Variants in MIER3 observed in about 807,000 individuals in gnomAD.
MIER3 encodes MIER family member 3.
MIER3 carries 9 observed loss-of-function variants against 63.2 expected under a neutral mutation model. That is an observed-to-expected ratio of 0.14 (90% CI 0.09 to 0.25). MIER3 has a LOEUF of 0.25. Ranked by LOEUF, MIER3 falls within the 10% of genes least tolerant of loss-of-function variation. MIER3 has a pLI of 1.00. For missense variants in MIER3, 512 were observed against 666.2 expected (o/e 0.77, Z 2.55); for synonymous variants, 205 against 224.9 (o/e 0.91, Z 0.79).
chr5:56,923,373 T>C lies in MIER3; in HGVS notation c.1408A>G (p.Met470Val), dbSNP rs1223101290. 2 of 1,614,184 alleles carry C rather than the reference T, an allele frequency of 1.2e-6. No individual in the cohort carries two copies. The highest frequency in any genetic ancestry group is 2.2e-5 in the South Asian group (2 of 91,086). The change falls in exon 13 of 13, where the codon ATG (methionine) becomes GTG (valine). Residue 470 changes from methionine (M) to valine (V), a missense_variant. Around this residue, in one of 5 missense-constraint regions of MIER3, gnomAD observed 218 missense variants for 251.2 expected, o/e 0.87. Transcript: ENST00000381199. The part of the protein sequence containing the change: ...FYHSELNPMN[M>V]CSEESERPAK... The stretch of plus-strand genomic sequence containing the variant: ...GGTCTCTCTGACTCTTCACTGCACA[T>C]GTTCATAGGGTTTAGCTCCGAGTGA...
chr5:56,927,150 T>C (rs1215109348), intron 10 of MIER3, among the ~76,000 whole-genome samples: 1 of 152,128 alleles, frequency 6.6e-6, no homozygotes. Context: ...AGCTACTCTG[T>C]ATGATACTGT....
At chr5:56,938,373 A>G (rs1375479793) in intron 4 of MIER3, 1 of 470,946 alleles carries the variant, frequency 2.1e-6, no homozygotes, top group Non-Finnish European at 4.4e-6. Context: ...GGGATCTGTT[A>G]GCAGAGGCCA....
chr5:56,937,922 A>G (rs995812054), intron 4 of MIER3, among the ~76,000 whole-genome samples: 2 of 151,606 alleles, frequency 1.3e-5, no homozygotes, highest in African/African-American at 2.4e-5. Flanking sequence ...ATATACTAAA[A>G]CAATTGCCTA....
chr5:56,919,608 T>A lies in MIER3; in HGVS notation c.*3520A>T, dbSNP rs574662521. The A allele has an allele frequency of 2.0e-5, 3 of 152,752 alleles. No individual in the cohort carries two copies. The South Asian group carries it at 6.2e-4, about 32-fold the overall frequency. The allele number at this position is 152,752 out of a possible 1,614,324, so 9.5% of individuals were successfully genotyped here. A position where few individuals can be genotyped will look rare whatever the true frequency, so the allele number is the denominator to read the frequency against. ...ATTCACACAAACCAAGAAAAAAAGATTCCCAGATTTTTATTTCTGGAACTG... is the reference window on the plus strand; with the variant it reads ...ATTCACACAAACCAAGAAAAAAAGAATCCCAGATTTTTATTTCTGGAACTG... On this transcript the variant is annotated 3_prime_UTR_variant, in exon 13 of 13. Coordinates refer to ENST00000381199, the MANE Select transcript of MIER3 (RefSeq NM_001297599.2).
At chr5:56,952,052 C>T in intron 1 of MIER3, 42 bp downstream of exon 1, 3 of 1,267,536 alleles carry the variant, frequency 2.4e-6, no homozygotes, top group Non-Finnish European at 2.0e-6. Flanking sequence ...CCGCCGGGCG[C>T]CCGCTCCAGC....
At chr5:56,931,726 T>G (rs1750274319) in intron 8 of MIER3, among the ~76,000 whole-genome samples, 1 of 152,066 alleles carries the variant, frequency 6.6e-6, no homozygotes, top group Admixed American at 6.6e-5. Flanking sequence ...TTACCAAATA[T>G]CTCAGAGTTA....
At position 56,923,671 on chromosome 5, in the gene MIER3, CAGAA is replaced by C; in HGVS notation, c.1195+16_1195+19del. ...ATTTTGCAACAAACTGTACTAAATG[CAGAA>C]AGGTCTTCATTTTACCTGTCAAGTC... On this transcript the variant is annotated intron_variant, in intron 12 of 12. Coordinates refer to ENST00000381199, the MANE Select transcript of MIER3 (RefSeq NM_001297599.2). 1 of 1,614,086 alleles carries C rather than the reference CAGAA, an allele frequency of 6.2e-7. No individual in the cohort carries two copies. The highest frequency in any genetic ancestry group is 8.5e-7 in the Non-Finnish European group (1 of 1,179,972).
chr5:56,926,186 G>A (rs990990044), intron 10 of MIER3, among the ~76,000 whole-genome samples: 4 of 152,002 alleles, frequency 2.6e-5, no homozygotes, highest in South Asian at 2.1e-4. Flanking sequence ...CTTAGGTTTG[G>A]CAATGATTTT....
intron 10 of MIER3, 45 bp downstream of exon 10, chr5:56,928,722 T>C: frequency 7.3e-7 from 1 of 1,373,320 alleles, no homozygotes; most frequent in South Asian, 1.3e-5. Context: ...GTTGCTTACA[T>C]TCACTGTAAC....
At chr5:56,946,815 T>TG in intron 3 of MIER3, 111 bp downstream of exon 3, 1 of 846,570 alleles carries the variant, frequency 1.2e-6, no homozygotes, top group Admixed American at 3.8e-5. Flanking sequence ...AAAATAAGAG[T>TG]GAAAAAAAAA....
At chr5:56,936,173 C>T (rs527287292) in intron 5 of MIER3, among the ~76,000 whole-genome samples, 4 of 151,936 alleles carry the variant, frequency 2.6e-5, no homozygotes, top group South Asian at 4.2e-4. Context: ...GCCAAGATCA[C>T]GCCATTGCAC....
chr5:56,934,953 A>G (rs1750389558), intron 7 of MIER3, among the ~76,000 whole-genome samples: 1 of 152,208 alleles, frequency 6.6e-6, no homozygotes, highest in African/African-American at 2.4e-5. Context: ...GATTACACAT[A>G]ATTAGGAGTA....
chr5:56,927,577 GT>G (rs555578765), intron 10 of MIER3, among the ~76,000 whole-genome samples: 24 of 152,058 alleles, frequency 1.6e-4, no homozygotes, highest in African/African-American at 5.8e-4. Flanking sequence ...ATAGACTTTA[GT>G]TTTTAAGAGT....
At chr5:56,936,869 G>A (rs1285004422) in intron 5 of MIER3, 4 of 151,954 alleles carry the variant, frequency 2.6e-5, no homozygotes, top group Non-Finnish European at 4.4e-5. Context: ...ATAGGAAAAA[G>A]ATGAATCATT....
At chr5:56,938,516 C>T (rs975074201) in intron 4 of MIER3, among the ~76,000 whole-genome samples, 2 of 152,216 alleles carry the variant, frequency 1.3e-5, no homozygotes, top group South Asian at 4.1e-4. Flanking sequence ...TTCTCTCCAA[C>T]CACTCCACGC....
chr5:56,923,826 T>C lies in MIER3; in HGVS notation c.1060A>G (p.Met354Val), dbSNP rs1749812224. The C allele has an allele frequency of 1.9e-6, 3 of 1,614,080 alleles. No homozygotes were observed. Among genetic ancestry groups the C allele is most frequent in the Non-Finnish European group, 2.5e-6 (3 of 1,180,006 alleles). ...YNHHPGVTDY[M>V]DRLVDETEAL... ...TCTGTTTCATCTACTAAACGATCCA[T>C]ATAGTCCCTGAAAAACACACCCCAG... The change falls in exon 12 of 13, where the codon ATG becomes GTG. Residue 354 changes from methionine (M) to valine (V), a missense_variant. By Grantham distance (21) the Met-to-Val change is conservative. Transcript: ENST00000381199.
chr5:56,950,127 G>C (rs998228146), intron 2 of MIER3, among the ~76,000 whole-genome samples: 3 of 152,130 alleles, frequency 2.0e-5, no homozygotes, highest in African/African-American at 7.2e-5. Context: ...TGGAAGTTCT[G>C]TCTTTTTTAT....
In MIER3 at chr5:56,922,798, G is replaced by C. The variant is rs983732715; in HGVS notation, c.*330C>G. Reference sequence around the variant, plus strand: ...GCCTCTGTCTACAGGTTTTAAAATTGGGAGTGAGGGCAGTGGGGAACACAA... The same window carrying C: ...GCCTCTGTCTACAGGTTTTAAAATTCGGAGTGAGGGCAGTGGGGAACACAA... On this transcript the variant is annotated 3_prime_UTR_variant, in exon 13 of 13. Transcript: ENST00000381199. 8 of 270,982 alleles carry C rather than the reference G, an allele frequency of 3.0e-5. No homozygotes were observed. Among genetic ancestry groups the C allele is most frequent in the Admixed American group, 9.6e-5 (2 of 20,896 alleles). 16.8% of individuals were successfully genotyped at this position (270,982 alleles called of 1,614,324 possible). A position where few individuals can be genotyped will look rare whatever the true frequency, so the allele number is the denominator to read the frequency against.
intron 2 of MIER3, 155 bp from the exon 3 acceptor site, chr5:56,947,226 C>A: frequency 1.4e-6 from 1 of 702,634 alleles, no homozygotes. Context: ...AAATTAAGAC[C>A]CCATGATTCT....
Sources: gnomAD v4.1 joint callset for allele counts (sites outside exome capture counted in the v4.1 genomes callset) on GRCh38, gnomAD v4.1.1 for gene constraint, gnomAD v4.1.1 regional missense constraint, MANE v1.5 for transcripts, NCBI Gene and HGNC (gene_info 2026-07-23, HGNC 2026-07-21) for gene names.